NOS1AP: variants seen among roughly 807,000 people sequenced by gnomAD.
NOS1AP encodes nitric oxide synthase 1 adaptor protein.
In NOS1AP, 21 loss-of-function variants were observed where a neutral mutation model predicts 56.2. The ratio of observed to expected loss-of-function variants is 0.37; its 90% CI spans 0.26 to 0.54. The LOEUF is 0.54. Ranked by LOEUF, NOS1AP falls within the 20% of genes least tolerant of loss-of-function variation. NOS1AP has a pLI of 0.84. For missense variants in NOS1AP, 522 were observed against 657.8 expected, an observed-to-expected ratio of 0.79 and a Z score of 2.26; for synonymous variants, 270 against 274.6, an observed-to-expected ratio of 0.98 and a Z score of 0.17.
Position 162,294,196 on chromosome 1 carries a change from T to TAAGGAAGGAAGG in NOS1AP, c.271-6417_271-6406dup, listed in dbSNP as rs1193084437. Among the ~76,000 whole-genome samples, 250 of 88,286 alleles carry TAAGGAAGGAAGG rather than the reference T, an allele frequency of 2.8e-3. 1 individual carries two copies. The highest frequency in any genetic ancestry group is 7.4e-3 in the African/African-American group (242 of 32,722). 57.9% of individuals were successfully genotyped at this position (88,286 alleles called of 152,430 possible). ...GGTAGGAAGGAAGGAAGGAAGGAAG[T>TAAGGAAGGAAGG]AAGGAAGGAAGGAAGGAAGGAAGGA... On this transcript the variant is annotated intron_variant, in intron 3 of 9. Transcript: ENST00000361897.
intron 6 of NOS1AP, among the ~76,000 whole-genome samples, chr1:162,346,467 A>G (rs1657298924): frequency 6.6e-6 from 1 of 152,224 alleles, no homozygotes; most frequent in Non-Finnish European, 1.5e-5. Flanking sequence ...AATTGTGGGT[A>G]TGAGGTACTA....
intron 7 of NOS1AP, 23 bp from the exon 8 acceptor site, chr1:162,356,937 C>T: frequency 6.2e-7 from 1 of 1,613,920 alleles, no homozygotes; most frequent in Non-Finnish European, 8.5e-7. Flanking sequence ...CATGTCATGT[C>T]CTGTCTTCTC....
At chr1:162,102,910 G>GT (rs894880673) in intron 1 of NOS1AP, among the ~76,000 whole-genome samples, 7 of 151,748 alleles carry the variant, frequency 4.6e-5, no homozygotes, top group Admixed American at 6.6e-5. Context: ...TTGTTTGAAG[G>GT]TTTTTTTTGT....
chr1:162,124,776 G>A (rs1648409204), intron 1 of NOS1AP, among the ~76,000 whole-genome samples: 1 of 152,092 alleles, frequency 6.6e-6, no homozygotes, highest in Admixed American at 6.5e-5. Flanking sequence ...GCCCGCCTTG[G>A]CCTCCCAAAG....
At chr1:162,304,780 CTG>C (rs3055849) in intron 4 of NOS1AP, among the ~76,000 whole-genome samples, 2,981 of 146,022 alleles carry the variant, frequency 0.02, 84 homozygotes, top group African/African-American at 0.062. Flanking sequence ...ATTTTTATAT[CTG>C]TGTGTGTGTG....
intron 2 of NOS1AP, among the ~76,000 whole-genome samples, chr1:162,279,867 T>G (rs1050638551): frequency 6.6e-5 from 10 of 152,188 alleles, no homozygotes; most frequent in African/African-American, 2.4e-4. Flanking sequence ...AGTCAGGAGA[T>G]GTAGGTTCCA....
chr1:162,187,252 C>A (rs1479845930), intron 2 of NOS1AP, among the ~76,000 whole-genome samples: 1 of 152,190 alleles, frequency 6.6e-6, no homozygotes. Flanking sequence ...CAGGCATGAG[C>A]CACCACATTC....
intron 2 of NOS1AP, among the ~76,000 whole-genome samples, chr1:162,157,388 A>G (rs1453966531): frequency 6.6e-6 from 1 of 152,242 alleles, no homozygotes; most frequent in Non-Finnish European, 1.5e-5. Context: ...ATTCACTGCT[A>G]GGTCCAGGCT....
intron 1 of NOS1AP, among the ~76,000 whole-genome samples, chr1:162,097,370 T>C (rs1323103422): frequency 6.6e-6 from 1 of 152,226 alleles, no homozygotes; most frequent in East Asian, 1.9e-4. Flanking sequence ...CTTTATGGTA[T>C]CTTCTGATGT....
intron 2 of NOS1AP, among the ~76,000 whole-genome samples, chr1:162,161,465 T>C (rs571715664): frequency 6.6e-6 from 1 of 152,382 alleles, no homozygotes; most frequent in East Asian, 1.9e-4. Context: ...AGTTGTTCTT[T>C]AATCATCAGG....
intron 1 of NOS1AP, among the ~76,000 whole-genome samples, chr1:162,082,192 G>GT (rs35756945): frequency 3.3e-5 from 5 of 150,814 alleles, no homozygotes; most frequent in African/African-American, 1.2e-4. Context: ...TGCAGTATTT[G>GT]TTTTTTTTTT....
intron 1 of NOS1AP, among the ~76,000 whole-genome samples, chr1:162,153,775 G>T (rs1189875315): frequency 6.6e-6 from 1 of 152,122 alleles, no homozygotes; most frequent in African/African-American, 2.4e-5. Context: ...ATTCTTTTGT[G>T]CTGCATATTT....
chr1:162,333,860 G>A (rs1333153778), intron 5 of NOS1AP, among the ~76,000 whole-genome samples: 1 of 152,192 alleles, frequency 6.6e-6, no homozygotes, highest in Non-Finnish European at 1.5e-5. Context: ...TAAAAAACAT[G>A]TTGTTTAACC....
At chr1:162,196,552 C>T (rs997516521) in intron 2 of NOS1AP, among the ~76,000 whole-genome samples, 1 of 152,092 alleles carries the variant, frequency 6.6e-6, no homozygotes, top group Non-Finnish European at 1.5e-5. Context: ...GCAGTCTGCT[C>T]CAGGCTGCAG....
intron 5 of NOS1AP, 116 bp from the exon 6 acceptor site, chr1:162,343,719 C>A: frequency 8.8e-7 from 1 of 1,142,480 alleles, no homozygotes; most frequent in South Asian, 1.2e-5. Flanking sequence ...TTTGTATGTG[C>A]ATATCTGAAC....
At chr1:162,228,890 G>C (rs757555490) in intron 2 of NOS1AP, among the ~76,000 whole-genome samples, 3 of 152,190 alleles carry the variant, frequency 2.0e-5, no homozygotes, top group Non-Finnish European at 4.4e-5. Context: ...AATTAGAATT[G>C]CACAGGACCT....
At chr1:162,326,911 A>T (rs1414070031) in intron 4 of NOS1AP, among the ~76,000 whole-genome samples, 3 of 152,234 alleles carry the variant, frequency 2.0e-5, no homozygotes, top group African/African-American at 7.2e-5. Context: ...AGACAACATA[A>T]TTGATTCTAG....
chr1:162,186,489 C>T (rs1305272657), intron 2 of NOS1AP, among the ~76,000 whole-genome samples: 1 of 152,142 alleles, frequency 6.6e-6, no homozygotes, highest in Non-Finnish European at 1.5e-5. Flanking sequence ...TTTTGGTACA[C>T]ATCTTCTTCG....
At chr1:162,101,515 A>G (rs1647261128) in intron 1 of NOS1AP, among the ~76,000 whole-genome samples, 1 of 152,166 alleles carries the variant, frequency 6.6e-6, no homozygotes. Context: ...TCTATAAATT[A>G]CTTTGGGCAG....
Sources: allele counts gnomAD v4.1 joint callset (sites outside exome capture counted in the v4.1 genomes callset), GRCh38; gene constraint gnomAD v4.1.1; transcripts MANE v1.5; gene names NCBI Gene and HGNC (gene_info 2026-07-23, HGNC 2026-07-21).